The following ENTREP1 variants were observed in gnomAD, a reference collection of about 807,000 sequenced individuals.
ENTREP1 encodes endosomal transmembrane epsin interactor 1.
At chr9:69,367,184 G>A in the ENTREP1 span, among the ~76,000 whole-genome samples, 1 of 147,888 alleles carries the variant, frequency 6.8e-6, no homozygotes, top group Non-Finnish European at 1.5e-5. Context: ...CTCCCACCTG[G>A]GCATCCTAAG....
At chr9:69,354,469 G>T in the ENTREP1 span, among the ~76,000 whole-genome samples, 1 of 152,024 alleles carries the variant, frequency 6.6e-6, no homozygotes, top group Non-Finnish European at 1.5e-5. Flanking sequence ...TGTTGGCCAG[G>T]CTGGTCTTGA....
the ENTREP1 span, chr9:69,379,908 A>T: frequency 6.6e-6 from 1 of 152,236 alleles, no homozygotes; most frequent in Non-Finnish European, 1.5e-5. Context: ...GCTTCACCAT[A>T]ATAATGCTCA....
chr9:69,383,239 C>A, the ENTREP1 span: 3 of 691,170 alleles, frequency 4.3e-6, no homozygotes, highest in African/African-American at 1.9e-5. Context: ...CACATTATTT[C>A]GTAACCATCA....
At chr9:69,368,243 T>G in the ENTREP1 span, among the ~76,000 whole-genome samples, 2 of 152,150 alleles carry the variant, frequency 1.3e-5, no homozygotes, top group African/African-American at 4.8e-5. Flanking sequence ...TGAATAGAAG[T>G]AGTAAAAGTG....
chr9:69,375,645 A>T, the ENTREP1 span: 1 of 1,021,948 alleles, frequency 9.8e-7, no homozygotes, highest in South Asian at 1.5e-5. Flanking sequence ...CCCTGCCATC[A>T]TCTCATTCTA....
At chr9:69,330,984 G>T in the ENTREP1 span, among the ~76,000 whole-genome samples, 1 of 152,140 alleles carries the variant, frequency 6.6e-6, no homozygotes, top group South Asian at 2.1e-4. Flanking sequence ...ATTTTTGTAG[G>T]ACATTATAGT....
At chr9:69,388,010 T>C in the ENTREP1 span, 1 of 1,549,956 alleles carries the variant, frequency 6.5e-7, no homozygotes, top group Non-Finnish European at 8.7e-7. Flanking sequence ...TTTTCCCTCC[T>C]TCTGCAAGAT....
chr9:69,329,413 A>AT, the ENTREP1 span: 1 of 984,112 alleles, frequency 1.0e-6, no homozygotes, highest in Non-Finnish European at 1.2e-6. Context: ...TGAGCCTGAG[A>AT]TTTTGGAGGC....
At chr9:69,325,258 C>A in the ENTREP1 span, 35 of 1,044,150 alleles carry the variant, frequency 3.4e-5, no homozygotes, top group Non-Finnish European at 3.9e-5. Context: ...CGCTCCGCGT[C>A]CTCTGCCCGC....
chr9:69,324,666 G>C, the ENTREP1 span: 1 of 985,132 alleles, frequency 1.0e-6, no homozygotes, highest in South Asian at 4.7e-5. Context: ...CGGTAACTGC[G>C]CTCGGCGTCG....
At chr9:69,328,336 A>G in the ENTREP1 span, among the ~76,000 whole-genome samples, 2 of 152,332 alleles carry the variant, frequency 1.3e-5, no homozygotes, top group South Asian at 4.1e-4. Context: ...TTATCACAAG[A>G]AAATATAACC....
the ENTREP1 span, chr9:69,385,770 T>C: frequency 7.8e-7 from 1 of 1,276,740 alleles, no homozygotes; most frequent in Non-Finnish European, 1.0e-6. Flanking sequence ...CCTCTTTTTT[T>C]TTTTTTTTTT....
chr9:69,351,388 T>TTGATGATGATGATGA, the ENTREP1 span, among the ~76,000 whole-genome samples: 5,490 of 151,412 alleles, frequency 0.036, 106 homozygotes, highest in African/African-American at 0.052. Flanking sequence ...TCTTATTTCC[T>TTGATGATGATGATGA]TGATGATGAT....
chr9:69,391,556 G>A, the ENTREP1 span: 1 of 1,557,608 alleles, frequency 6.4e-7, no homozygotes, highest in African/African-American at 1.4e-5. Flanking sequence ...GGCCACATCT[G>A]GTAAAGCTTA....
the ENTREP1 span, chr9:69,371,737 G>A: frequency 1.5e-6 from 1 of 674,190 alleles, no homozygotes; most frequent in Non-Finnish European, 2.6e-6. Context: ...GTAAAGGGAA[G>A]TGGGAAAACA....
chr9:69,329,723 A>G, the ENTREP1 span: 1 of 977,242 alleles, frequency 1.0e-6, no homozygotes, highest in Non-Finnish European at 1.2e-6. Flanking sequence ...GGAGGATCTC[A>G]GTGTCTGTCT....
the ENTREP1 span, among the ~76,000 whole-genome samples, chr9:69,352,279 C>T: frequency 5.9e-5 from 9 of 152,126 alleles, no homozygotes; most frequent in East Asian, 1.9e-4. Context: ...CCACCACACC[C>T]GGCTGATTTT....
At chr9:69,390,796 C>T in the ENTREP1 span, among the ~76,000 whole-genome samples, 9 of 151,912 alleles carry the variant, frequency 5.9e-5, no homozygotes, top group African/African-American at 2.2e-4. Flanking sequence ...CACACCACCA[C>T]GCCCAGCCAA....
chr9:69,335,090 G>A, the ENTREP1 span, among the ~76,000 whole-genome samples: 3 of 151,984 alleles, frequency 2.0e-5, no homozygotes, highest in Admixed American at 6.6e-5. Flanking sequence ...TTTTTAGCTC[G>A]TTTTTTATTG....
Sources: gnomAD v4.1 joint callset for allele counts (sites outside exome capture counted in the v4.1 genomes callset) on GRCh38, gnomAD v4.1.1 for gene constraint, MANE v1.5 for transcripts, NCBI Gene and HGNC (gene_info 2026-07-23, HGNC 2026-07-21) for gene names.